The following SNED1 variants were observed in gnomAD, a reference collection of about 807,000 sequenced individuals.
SNED1 encodes the protein sushi, nidogen and EGF-like domain-containing protein 1.
SNED1 carries 81 observed loss-of-function variants against 166.7 expected under a neutral mutation model. That is an observed-to-expected ratio of 0.49 (90% CI 0.41 to 0.58). The LOEUF (loss-of-function observed/expected upper bound fraction) is 0.58. Ranked by LOEUF, SNED1 falls within the 20% of genes least tolerant of loss-of-function variation. SNED1 has a pLI of 0.00. For synonymous variants in SNED1, 762 were observed against 822.0 expected (o/e 0.93, Z 1.25); for missense variants, 1,604 against 2,000.2 (o/e 0.80, Z 3.78).
chr2:241,094,516 C>T lies in SNED1; in HGVS notation c.*2880C>T. 2.5e-6 allele frequency: 1 copy of T among 396,434 alleles called. No homozygotes were observed. The highest frequency in any genetic ancestry group is 5.2e-6 in the Non-Finnish European group (1 of 193,904). The allele number at this position is 396,434 out of a possible 1,614,324, so 24.6% of individuals were successfully genotyped here. On this transcript the variant is annotated 3_prime_UTR_variant, in exon 32 of 32. Transcript: ENST00000310397. The surrounding 1 kb of genome is among the most constrained non-coding windows in gnomAD (Gnocchi z 4.3). ...CACACCTACCAGGGGTATTCCAGTG[C>T]ATAGGGGAAAGGAACCCGGCTGAAA...
intron 8 of SNED1, among the ~76,000 whole-genome samples, chr2:241,042,435 A>G (rs1241557229): frequency 6.6e-6 from 1 of 152,168 alleles, no homozygotes; most frequent in African/African-American, 2.4e-5. Context: ...ATAAAATCCT[A>G]TACTCCTCAA....
intron 24 of SNED1, among the ~76,000 whole-genome samples, chr2:241,070,823 G>GA: frequency 6.6e-6 from 1 of 152,358 alleles, no homozygotes; most frequent in Non-Finnish European, 1.5e-5. Context: ...AGGGAGAGAA[G>GA]AAAGAGACGG....
rs1458650040 is a variant in SNED1 at position 241,051,780 on chromosome 2, A to AC, written c.1773dup (p.Gly592ArgfsTer25). ...CTGTGCAGCTCAGGGCCCTGCCGGA[A>AC]CGGGGGCACGTGCAAGGAGGCGGGC... On this transcript the variant is annotated frameshift_variant, in exon 13 of 32. Transcript: ENST00000310397. LOFTEE classifies it high-confidence loss of function. This position sits in a 1 kb window ranked among gnomAD's most constrained non-coding sequence, Gnocchi z 4.7. 1.3e-6 allele frequency: 2 copies of AC among 1,551,188 alleles called. No individual in the cohort carries two copies. The highest frequency in any genetic ancestry group is 1.2e-5 in the South Asian group (1 of 83,246).
chr2:241,039,980 T>C, intron 6 of SNED1, 95 bp from the exon 7 acceptor site: 1 of 989,374 alleles, frequency 1.0e-6, no homozygotes, highest in Non-Finnish European at 1.5e-6. Context: ...GTAAGCCAGT[T>C]GGGGGTGGGG....
At chr2:241,027,731 C>CTTTT (rs1293401106) in intron 1 of SNED1, among the ~76,000 whole-genome samples, 3 of 137,262 alleles carry the variant, frequency 2.2e-5, no homozygotes, top group Non-Finnish European at 3.1e-5. Flanking sequence ...TTATTTTCTT[C>CTTTT]TGTTTTTTTT....
chr2:241,017,739 A>C (rs745934537), intron 1 of SNED1, among the ~76,000 whole-genome samples: 2 of 152,202 alleles, frequency 1.3e-5, no homozygotes, highest in Non-Finnish European at 2.9e-5. Context: ...CAGGAATCCC[A>C]CAGCGGGACC....
At chr2:241,044,884 C>T (rs919026300) in intron 8 of SNED1, among the ~76,000 whole-genome samples, 6 of 152,084 alleles carry the variant, frequency 3.9e-5, no homozygotes, top group African/African-American at 7.2e-5. Context: ...AAAGCCGCAG[C>T]GTTTTTGCCA....
chr2:241,072,791 T>C (rs1273182652), intron 26 of SNED1: 19 of 189,540 alleles, frequency 1.0e-4, no homozygotes, highest in Admixed American at 6.9e-4. Context: ...GGATATGAAG[T>C]GCCCGAGGGT....
chr2:241,037,121 C>T (rs1338803884), intron 5 of SNED1, 119 bp from the exon 6 acceptor site: 1 of 1,045,380 alleles, frequency 9.6e-7, no homozygotes, highest in Non-Finnish European at 1.4e-6. Flanking sequence ...GCAGTTGCTG[C>T]CCTCTCTGAG....
intron 4 of SNED1, among the ~76,000 whole-genome samples, 187 bp downstream of exon 4, chr2:241,034,917 C>G (rs1361536746): frequency 6.6e-6 from 1 of 152,138 alleles, no homozygotes; most frequent in Non-Finnish European, 1.5e-5. Flanking sequence ...CCTCAGCTTC[C>G]CCTAGAGAAG....
intron 1 of SNED1, among the ~76,000 whole-genome samples, chr2:241,008,081 C>T (rs911416563): frequency 3.3e-5 from 5 of 152,248 alleles, no homozygotes; most frequent in African/African-American, 1.2e-4. Flanking sequence ...CTGAGCACAG[C>T]CCGGAGGTGG....
At chr2:241,089,479 G>A in intron 31 of SNED1, 2 of 1,516,870 alleles carry the variant, frequency 1.3e-6, no homozygotes, top group Non-Finnish European at 1.8e-6. Context: ...ACACCCCCTT[G>A]GGGGAAAGGT....
chr2:241,037,055 G>C (rs2125026307), intron 5 of SNED1, 140 bp downstream of exon 5: 2 of 1,126,160 alleles, frequency 1.8e-6, no homozygotes, highest in East Asian at 5.2e-5. Flanking sequence ...GACTTGCTTA[G>C]GGGACCACTG....
intron 28 of SNED1, 63 bp from the exon 29 acceptor site, chr2:241,082,214 C>G: frequency 7.1e-7 from 1 of 1,401,626 alleles, no homozygotes. Context: ...GGCAAGGCCT[C>G]TCAAGAGGGG....
At chr2:241,015,528 A>G (rs530811687) in intron 1 of SNED1, 1 of 152,676 alleles carries the variant, frequency 6.5e-6, no homozygotes, top group South Asian at 2.1e-4. Context: ...GGGTTTCTAC[A>G]TCCACATTCA....
intron 16 of SNED1, among the ~76,000 whole-genome samples, chr2:241,054,886 G>A (rs749435418): frequency 6.6e-5 from 10 of 152,212 alleles, no homozygotes; most frequent in Non-Finnish European, 1.3e-4. Context: ...GGAGGCCGAG[G>A]CAGGTGGATC....
Position 241,087,428 on chromosome 2 carries a change from C to T in SNED1, c.4158C>T (p.Cys1386=), listed in dbSNP as rs895833551. 1 of 1,604,456 alleles carries T rather than the reference C, an allele frequency of 6.2e-7. No individual in the cohort carries two copies. The highest frequency in any genetic ancestry group is 8.5e-7 in the Non-Finnish European group (1 of 1,175,436). Residue 1386 remains cysteine, a synonymous_variant, in exon 30 of 32, where the codon TGC becomes TGT. Transcript: ENST00000310397. The part of the protein sequence containing the change: ...KRVYRVHQDI[C]FKESCESTSL... ...TCTACCGAGTTCACCAAGACATCTG[C>T]TTCAAAGAGAGCTGTGAAAGCACAA...
rs908992508 is a variant in SNED1 at position 241,095,187 on chromosome 2, C to G, written c.*3551C>G. 6.6e-6 allele frequency: 1 copy of G among 152,334 alleles called. No individual in the cohort carries two copies. The highest frequency in any genetic ancestry group is 1.5e-5 in the Non-Finnish European group (1 of 68,426). 9.4% of individuals were successfully genotyped at this position (152,334 alleles called of 1,614,324 possible). On this transcript the variant is annotated 3_prime_UTR_variant, in exon 32 of 32. Coordinates refer to ENST00000310397, the MANE Select transcript of SNED1 (RefSeq NM_001080437.3). ...TTCTCGAAGCTGTCTGTAACCAGGG[C>G]AGGGGAGATAACTGTATGGGACCAT...
intron 8 of SNED1, among the ~76,000 whole-genome samples, chr2:241,042,126 A>G (rs2061537321): frequency 6.6e-6 from 1 of 152,138 alleles, no homozygotes; most frequent in Non-Finnish European, 1.5e-5. Context: ...CAGTGGCTAC[A>G]GGATGGTGCT....
Sources: gnomAD v4.1 joint callset for allele counts (sites outside exome capture counted in the v4.1 genomes callset) on GRCh38, gnomAD v4.1.1 for gene constraint, Gnocchi (gnomAD v3.1) non-coding constraint, MANE v1.5 for transcripts, NCBI Gene and HGNC (gene_info 2026-07-23, HGNC 2026-07-21) for gene names.